C11orf65: variants seen among roughly 807,000 people sequenced by gnomAD.
The protein encoded by C11orf65 is chromosome 11 open reading frame 65.
Under a neutral mutation model 35.3 loss-of-function variants are expected in C11orf65, and 38 were observed. That is an observed-to-expected ratio of 1.08 (90% CI 0.83 to 1.41). The LOEUF is 1.41. C11orf65 is among the 40% of genes most tolerant of loss of function. C11orf65 has a pLI of 0.00. For synonymous variants in C11orf65, 105 were observed against 114.4 expected, an observed-to-expected ratio of 0.92 and a Z score of 0.53; for missense variants, 370 against 367.1, an observed-to-expected ratio of 1.01 and a Z score of -0.06.
chr11:108,326,085 A>G lies in C11orf65; in HGVS notation c.641-17014T>C, dbSNP rs756898113. 6 of 1,614,024 alleles carry G rather than the reference A, an allele frequency of 3.7e-6. No homozygotes were observed. In the Admixed American group the frequency reaches 1.0e-4, roughly 27 times the overall value. ...CCCTGAAAGGGCAATATTTCAAATTAAACAGTACAATTCAGTTAGCTGTGG... is the reference window on the plus strand; with the variant it reads ...CCCTGAAAGGGCAATATTTCAAATTGAACAGTACAATTCAGTTAGCTGTGG... On this transcript the variant is annotated intron_variant, in intron 6 of 6. Transcript: ENST00000525729.
At chr11:108,407,031 T>C in intron 4 of C11orf65, 65 bp downstream of exon 4, 2 of 1,573,672 alleles carry the variant, frequency 1.3e-6, no homozygotes, top group South Asian at 2.2e-5. Context: ...TTTGAAAAAT[T>C]ACATTGTTTC....
chr11:108,328,850 C>A (rs2136403854), downstream of C11orf65, among the ~76,000 whole-genome samples: 2 of 152,262 alleles, frequency 1.3e-5, no homozygotes, highest in East Asian at 3.9e-4. Context: ...CGTCCTGGGC[C>A]ACATGCGGCC....
intron 2 of C11orf65, among the ~76,000 whole-genome samples, chr11:108,434,649 T>C (rs567253486): frequency 6.6e-6 from 1 of 152,144 alleles, no homozygotes; most frequent in South Asian, 2.1e-4. Context: ...GCATAATTCC[T>C]TGGGGGAACT....
intron 3 of C11orf65, among the ~76,000 whole-genome samples, chr11:108,412,588 T>C (rs557499640): frequency 2.2e-4 from 34 of 152,160 alleles, no homozygotes; most frequent in African/African-American, 8.2e-4. Context: ...ATTTTAAAAT[T>C]AGCTGGGTGT....
At chr11:108,446,959 C>CA (rs1237610012) in intron 2 of C11orf65, among the ~76,000 whole-genome samples, 10 of 151,640 alleles carry the variant, frequency 6.6e-5, no homozygotes, top group South Asian at 2.1e-4. Context: ...AAATGGAAAA[C>CA]AAAAAAAGGC....
At chr11:108,350,227 G>T (rs1445310006) in intron 2 of C11orf65, among the ~76,000 whole-genome samples, 1 of 152,130 alleles carries the variant, frequency 6.6e-6, no homozygotes, top group Non-Finnish European at 1.5e-5. Context: ...CATCCTTGGA[G>T]CTTAAGTTGT....
Position 108,326,038 on chromosome 11 carries a change from A to G in C11orf65, c.641-16967T>C, listed in dbSNP as rs1240565463. Reference sequence around the variant, plus strand: ...ATCAGTAGTAAAAGTATTTATTCCCATATGTCATTTTCATTTCAGCTCCCT... The same window carrying G: ...ATCAGTAGTAAAAGTATTTATTCCCGTATGTCATTTTCATTTCAGCTCCCT... On this transcript the variant is annotated intron_variant, in intron 6 of 6. Coordinates refer to the C11orf65 transcript ENST00000525729. 1.9e-6 allele frequency: 3 copies of G among 1,612,248 alleles called. No individual in the cohort carries two copies. The highest frequency in any genetic ancestry group is 1.7e-5 in the Admixed American group (1 of 59,982).
At chr11:108,425,211 T>C (rs1055613021) in intron 3 of C11orf65, among the ~76,000 whole-genome samples, 2 of 151,978 alleles carry the variant, frequency 1.3e-5, no homozygotes, top group Non-Finnish European at 2.9e-5. Flanking sequence ...AATCAGTGAA[T>C]CCAGGAGCTG....
At chr11:108,409,308 T>C (rs2092614040) in intron 3 of C11orf65, among the ~76,000 whole-genome samples, 1 of 152,188 alleles carries the variant, frequency 6.6e-6, no homozygotes, top group Non-Finnish European at 1.5e-5. Context: ...TCTGTGAACA[T>C]TCATTTTTAT....
chr11:108,438,189 T>C (rs2093094117), intron 2 of C11orf65, among the ~76,000 whole-genome samples: 2 of 152,208 alleles, frequency 1.3e-5, no homozygotes, highest in African/African-American at 4.8e-5. Context: ...GTGACAATTA[T>C]ATACCCACAT....
intron 2 of C11orf65, chr11:108,354,019 C>T: frequency 4.0e-6 from 3 of 747,324 alleles, no homozygotes; most frequent in Non-Finnish European, 6.9e-6. Context: ...AGTTTGAGTC[C>T]AGCCTAGGCA....
At chr11:108,428,416 G>A (rs184478553) in intron 3 of C11orf65, among the ~76,000 whole-genome samples, 5 of 152,264 alleles carry the variant, frequency 3.3e-5, no homozygotes, top group Admixed American at 2.6e-4. Context: ...CAACCCAAAC[G>A]CCCATCAATG....
chr11:108,466,486 A>G (rs1420786400), intron 1 of C11orf65, among the ~76,000 whole-genome samples: 2 of 152,344 alleles, frequency 1.3e-5, no homozygotes, highest in East Asian at 1.9e-4. Context: ...AGGCAGGAGA[A>G]TAACTTGAAC....
At chr11:108,425,304 GATAAAGATGAT>G (rs1309692191) in intron 3 of C11orf65, among the ~76,000 whole-genome samples, 3 of 152,122 alleles carry the variant, frequency 2.0e-5, no homozygotes, top group Non-Finnish European at 1.5e-5. Flanking sequence ...AATAAAAAAT[GATAAAGATGAT>G]ATCACCACTG....
In C11orf65 at chr11:108,353,828, A is replaced by G. The variant is rs376676328; in HGVS notation, c.227-18536T>C. 298 of 1,614,054 alleles carry G rather than the reference A, an allele frequency of 1.8e-4. 1 individual carries two copies. Among genetic ancestry groups the G allele is most frequent in the Non-Finnish European group, 2.2e-4 (258 of 1,179,938 alleles). On this transcript the variant is annotated intron_variant, in intron 2 of 3. Coordinates refer to the C11orf65 transcript ENST00000524755. ...TGAGACAGTTCCTTTTAGACTCACCAGAGATATTGTGGATGGCATGGGCAT... is the reference window on the plus strand; with the variant it reads ...TGAGACAGTTCCTTTTAGACTCACCGGAGATATTGTGGATGGCATGGGCAT...
chr11:108,347,566 A>T (rs1026285559), intron 2 of C11orf65, among the ~76,000 whole-genome samples: 2 of 152,126 alleles, frequency 1.3e-5, no homozygotes, highest in African/African-American at 4.8e-5. Flanking sequence ...AACTTAATAG[A>T]TGAGGTGTCT....
chr11:108,454,006 C>T (rs1234461386), intron 2 of C11orf65, among the ~76,000 whole-genome samples: 2 of 152,170 alleles, frequency 1.3e-5, no homozygotes, highest in Non-Finnish European at 2.9e-5. Context: ...TAGTAGAATT[C>T]AACAGCAAGG....
At chr11:108,337,951 C>T (rs148890344) in intron 2 of C11orf65, among the ~76,000 whole-genome samples, 56 of 152,344 alleles carry the variant, frequency 3.7e-4, no homozygotes, top group African/African-American at 1.2e-3. Flanking sequence ...AATGCCTGAC[C>T]TAGAATATCT....
intron 2 of C11orf65, chr11:108,340,206 CAAT>C (rs1380767791): frequency 6.6e-6 from 1 of 152,082 alleles, no homozygotes; most frequent in African/African-American, 2.4e-5. Flanking sequence ...CAAAAGGAGA[CAAT>C]AACATCATGA....
Sources: allele counts gnomAD v4.1 joint callset (sites outside exome capture counted in the v4.1 genomes callset), GRCh38; gene constraint gnomAD v4.1.1; transcripts MANE v1.5; gene names NCBI Gene and HGNC (gene_info 2026-07-23, HGNC 2026-07-21).